The following RASSF8 variants were observed in gnomAD, a reference collection of about 807,000 sequenced individuals.
The protein encoded by RASSF8 is Ras association domain family member 8, also known as ras association domain-containing protein 8.
A neutral mutation model predicts 48.5 loss-of-function variants in RASSF8; 22 were observed. That is an observed-to-expected ratio of 0.45 (90% CI 0.32 to 0.65). The LOEUF is 0.65. Ranked by LOEUF, RASSF8 falls within the 30% of genes least tolerant of loss-of-function variation. The pLI, the probability that RASSF8 is intolerant of heterozygous loss-of-function variation, is 0.03. For synonymous variants in RASSF8, 127 were observed against 171.5 expected (o/e 0.74, Z 2.03); for missense variants, 418 against 489.2 (o/e 0.85, Z 1.37).
downstream of RASSF8, among the ~76,000 whole-genome samples, chr12:26,073,994 GTATA>G (rs78184878): frequency 0.1 from 15,289 of 151,268 alleles, 1,004 homozygotes; most frequent in African/African-American, 0.19. Flanking sequence ...TAAAAAAAAA[GTATA>G]TATATGAGAA....
In RASSF8 at chr12:26,001,351, A is replaced by T. The variant is rs1053663137; in HGVS notation, c.-109+6221A>T. Among the ~76,000 whole-genome samples, 3 of 152,012 alleles carry T rather than the reference A, an allele frequency of 2.0e-5. No individual in the cohort carries two copies. The South Asian group carries it at 6.2e-4, about 32-fold the overall frequency. On this transcript the variant is annotated intron_variant, in intron 2 of 5. Transcript: ENST00000689635. Reference sequence around the variant, plus strand: ...TTTTAAAAATTAAAAATTTTTATCCACTGTGTTTTGCCTATTAACAATTTT... The same window carrying T: ...TTTTAAAAATTAAAAATTTTTATCCTCTGTGTTTTGCCTATTAACAATTTT...
At chr12:26,057,462 C>CT (rs1943632091) in intron 3 of RASSF8, among the ~76,000 whole-genome samples, 1 of 152,098 alleles carries the variant, frequency 6.6e-6, no homozygotes, top group African/African-American at 2.4e-5. Flanking sequence ...TGGACTCATC[C>CT]TTTTTTATGG....
chr12:26,035,446 A>G (rs1300180962), intron 2 of RASSF8, among the ~76,000 whole-genome samples: 2 of 124,206 alleles, frequency 1.6e-5, no homozygotes, highest in Non-Finnish European at 3.5e-5. Flanking sequence ...TATATAATAT[A>G]AGTATATGAA....
intron 4 of RASSF8, among the ~76,000 whole-genome samples, chr12:26,066,369 G>A (rs1418113543): frequency 6.6e-6 from 1 of 152,168 alleles, no homozygotes; most frequent in Non-Finnish European, 1.5e-5. Flanking sequence ...TTTGAGAAGA[G>A]CTGCTTTAGA....
intron 3 of RASSF8, among the ~76,000 whole-genome samples, chr12:26,058,491 C>T (rs546348340): frequency 2.0e-5 from 3 of 152,048 alleles, no homozygotes; most frequent in South Asian, 2.1e-4. Flanking sequence ...GGTTTAAGTG[C>T]GCGTCTTTGC....
chr12:26,066,132 C>A (rs536957436), intron 4 of RASSF8, among the ~76,000 whole-genome samples: 1 of 152,162 alleles, frequency 6.6e-6, no homozygotes, highest in African/African-American at 2.4e-5. Context: ...ATTTAAAATT[C>A]TGTTTTTAGT....
chr12:26,061,386 T>C (rs1273133153), intron 3 of RASSF8, among the ~76,000 whole-genome samples: 1 of 152,166 alleles, frequency 6.6e-6, no homozygotes, highest in Admixed American at 6.5e-5. Context: ...TTAAAATCTG[T>C]ATGTAAGTTT....
At chr12:25,996,777 T>C (rs1262345550) in intron 2 of RASSF8, among the ~76,000 whole-genome samples, 2 of 152,168 alleles carry the variant, frequency 1.3e-5, no homozygotes, top group Admixed American at 1.3e-4. Context: ...AGCATTGAGG[T>C]ACATTTGTAC....
chr12:26,064,648 G>C lies in RASSF8; in HGVS notation c.254G>C (p.Ser85Thr). The C allele has an allele frequency of 6.2e-7, 1 of 1,614,138 alleles. No individual in the cohort carries two copies. The highest frequency in any genetic ancestry group is 8.5e-7 in the Non-Finnish European group (1 of 1,180,014). ...LILRRTGPSL[S>T]ERPTSDSVAR... The stretch of plus-strand genomic sequence containing the variant: ...CTACGACGAACTGGGCCGTCTCTCA[G>C]TGAGCGACCCACTTCAGACAGTGTG... Residue 85 changes from serine (S) to threonine (T), a missense_variant, in exon 4 of 6, where the codon AGT (serine) becomes ACT (threonine). Transcript: ENST00000689635.
At chr12:26,030,043 GAAATA>G (rs1942996087) in intron 2 of RASSF8, among the ~76,000 whole-genome samples, 1 of 152,100 alleles carries the variant, frequency 6.6e-6, no homozygotes, top group Non-Finnish European at 1.5e-5. Flanking sequence ...AATAAATTTT[GAAATA>G]AAATGTGGCA....
At chr12:26,038,458 T>A (rs1592295972) in intron 2 of RASSF8, among the ~76,000 whole-genome samples, 1 of 152,304 alleles carries the variant, frequency 6.6e-6, no homozygotes, top group East Asian at 1.9e-4. Flanking sequence ...ACTAGATATT[T>A]GGCTTTTAAA....
chr12:26,064,640 GTC>G lies in RASSF8; in HGVS notation c.251_252del (p.Leu84GlnfsTer2). 5.6e-6 allele frequency: 9 copies of G among 1,614,146 alleles called. No homozygotes were observed. The highest frequency in any genetic ancestry group is 7.6e-6 in the Non-Finnish European group (9 of 1,180,026). The part of the protein sequence containing the change: ...VQLILRRTGP[S>X]LSERPTSDSV... ...AGCTCATTCTACGACGAACTGGGCC[GTC>G]TCTCAGTGAGCGACCCACTTCAGAC... On this transcript the variant is annotated frameshift_variant, in exon 4 of 6. Transcript: ENST00000689635. LOFTEE classifies it high-confidence loss of function.
At chr12:26,073,477 C>T (rs8181619), downstream of RASSF8, among the ~76,000 whole-genome samples, 1 of 152,142 alleles carries the variant, frequency 6.6e-6, no homozygotes, top group African/African-American at 2.4e-5. Flanking sequence ...TGGCTCACGC[C>T]TATAATCCCA....
At chr12:26,010,564 G>T (rs1346381100) in intron 2 of RASSF8, among the ~76,000 whole-genome samples, 1 of 152,172 alleles carries the variant, frequency 6.6e-6, no homozygotes, top group Admixed American at 6.5e-5. Flanking sequence ...GGAAACAGTG[G>T]GAAAGCTCTT....
At chr12:25,977,363 CAGAG>C (rs1477814854) in intron 1 of RASSF8, among the ~76,000 whole-genome samples, 1 of 152,200 alleles carries the variant, frequency 6.6e-6, no homozygotes. Flanking sequence ...GACCATTACA[CAGAG>C]AGAAACTAAC....
intron 3 of RASSF8, among the ~76,000 whole-genome samples, chr12:26,058,030 A>G (rs900380477): frequency 6.6e-6 from 1 of 152,242 alleles, no homozygotes; most frequent in Non-Finnish European, 1.5e-5. Context: ...CGGAGGTACC[A>G]TGTATGTGCT....
intron 3 of RASSF8, among the ~76,000 whole-genome samples, chr12:26,062,472 A>G (rs1416610923): frequency 6.6e-6 from 1 of 152,200 alleles, no homozygotes; most frequent in Non-Finnish European, 1.5e-5. Flanking sequence ...CTTGAGTCTC[A>G]GAACCACCTT....
At position 26,072,634 on chromosome 12, in the gene RASSF8, G is replaced by C; in HGVS notation, c.*3816G>C. 1 of 985,196 alleles carries C rather than the reference G, an allele frequency of 1.0e-6. No individual in the cohort carries two copies. Among genetic ancestry groups the C allele is most frequent in the Non-Finnish European group, 1.2e-6 (1 of 829,740 alleles). The allele number at this position is 985,196 out of a possible 1,614,324, so 61.0% of individuals were successfully genotyped here. On this transcript the variant is annotated 3_prime_UTR_variant, in exon 6 of 6. Transcript: ENST00000689635. Reference sequence around the variant, plus strand: ...TTCTTTATTGACCCTAGGAGGATTTGAGTTGCTGCAGCTTTAAACAGAAAA... The same window carrying C: ...TTCTTTATTGACCCTAGGAGGATTTCAGTTGCTGCAGCTTTAAACAGAAAA...
intron 1 of RASSF8, among the ~76,000 whole-genome samples, chr12:25,980,785 T>C (rs1029109645): frequency 6.6e-6 from 1 of 152,160 alleles, no homozygotes; most frequent in Non-Finnish European, 1.5e-5. Flanking sequence ...AAAATCACTC[T>C]AATTAAAAAA....
Sources: allele counts gnomAD v4.1 joint callset (sites outside exome capture counted in the v4.1 genomes callset), GRCh38; gene constraint gnomAD v4.1.1; transcripts MANE v1.5; gene names NCBI Gene and HGNC (gene_info 2026-07-23, HGNC 2026-07-21).